CSMD1: variants seen among roughly 807,000 people sequenced by gnomAD.
The protein encoded by CSMD1 is CUB and sushi domain-containing protein 1.
A neutral mutation model predicts 417.5 loss-of-function variants in CSMD1; 213 were observed. That is an observed-to-expected ratio of 0.51 (90% confidence interval 0.46 to 0.57). The LOEUF is 0.57. Among genes scored for constraint, CSMD1 ranks in the 20% least tolerant of loss-of-function variants. The probability of loss-of-function intolerance (pLI) is 0.00; values close to 1 mark genes in which losing one functional copy is unlikely to be tolerated. For missense variants in CSMD1, 6,923 were observed against 4,529.7 expected (o/e 1.53, Z -15.17); for synonymous variants, 2,862 against 1,736.8 (o/e 1.65, Z -16.11).
At chr8:4,115,365 C>T (rs1177620470) in intron 3 of CSMD1, among the ~76,000 whole-genome samples, 3 of 152,198 alleles carry the variant, frequency 2.0e-5, no homozygotes, top group Non-Finnish European at 4.4e-5. Flanking sequence ...AAAGGTTACA[C>T]TACTGTGTAC....
At chr8:3,523,250 C>T (rs572055052) in intron 10 of CSMD1, among the ~76,000 whole-genome samples, 58 of 152,236 alleles carry the variant, frequency 3.8e-4, no homozygotes, top group African/African-American at 1.3e-3. Flanking sequence ...AAAGCATCTA[C>T]CATATAGGAT....
intron 1 of CSMD1, among the ~76,000 whole-genome samples, chr8:4,647,632 T>C (rs1306692700): frequency 6.6e-6 from 1 of 152,186 alleles, no homozygotes; most frequent in Non-Finnish European, 1.5e-5. Context: ...GTTCTCATTG[T>C]TCAGCTCCCA....
chr8:4,464,287 T>C (rs1248486842), intron 2 of CSMD1, among the ~76,000 whole-genome samples: 1 of 152,042 alleles, frequency 6.6e-6, no homozygotes, highest in Non-Finnish European at 1.5e-5. Flanking sequence ...GGCATTATTA[T>C]GTATGCATGC....
intron 8 of CSMD1, among the ~76,000 whole-genome samples, chr8:3,608,588 C>A (rs1439486341): frequency 1.3e-5 from 2 of 151,952 alleles, no homozygotes; most frequent in East Asian, 3.9e-4. Flanking sequence ...ATAGTGAAAC[C>A]CCGTCTCTAT....
At chr8:4,284,119 G>C (rs1796933216) in intron 3 of CSMD1, among the ~76,000 whole-genome samples, 1 of 152,166 alleles carries the variant, frequency 6.6e-6, no homozygotes, top group Admixed American at 6.5e-5. Context: ...TGTAATCCTA[G>C]CATTTTGGGA....
At chr8:4,578,495 C>G (rs1363998513) in intron 2 of CSMD1, among the ~76,000 whole-genome samples, 2 of 151,742 alleles carry the variant, frequency 1.3e-5, no homozygotes, top group East Asian at 1.9e-4. Context: ...CACAAATATT[C>G]AGAGTATTAA....
chr8:3,882,451 C>T (rs763705277), intron 5 of CSMD1, among the ~76,000 whole-genome samples: 25 of 152,162 alleles, frequency 1.6e-4, no homozygotes, highest in African/African-American at 3.4e-4. Context: ...TCCTACACTA[C>T]GGTGGTATTA....
Position 3,773,932 on chromosome 8 carries a change from A to G in CSMD1, c.819-19890T>C, listed in dbSNP as rs114279374. Among the ~76,000 whole-genome samples the G allele has an allele frequency of 7.6e-3, 1,163 of 152,288 alleles. 20 individuals are homozygous for G. The highest frequency in any genetic ancestry group is 0.027 in the African/African-American group (1,110 of 41,564). Reference sequence around the variant, plus strand: ...GGACCTGTGAGGTTGAGTAATTTGCATGACATTGCACAGCTAACAGGAGCC... The same window carrying G: ...GGACCTGTGAGGTTGAGTAATTTGCGTGACATTGCACAGCTAACAGGAGCC... On this transcript the variant is annotated intron_variant, in intron 5 of 69. Coordinates refer to ENST00000635120, the MANE Select transcript of CSMD1 (RefSeq NM_033225.6).
At chr8:3,897,401 A>G (rs1759788112) in intron 5 of CSMD1, among the ~76,000 whole-genome samples, 1 of 152,204 alleles carries the variant, frequency 6.6e-6, no homozygotes, top group Non-Finnish European at 1.5e-5. Context: ...TTATAAAACA[A>G]AATGTTTCTC....
chr8:4,565,710 G>C (rs1798564554), intron 2 of CSMD1, among the ~76,000 whole-genome samples: 1 of 147,228 alleles, frequency 6.8e-6, no homozygotes, highest in East Asian at 2.0e-4. Context: ...ACTCCAGCCT[G>C]GGTGACAGCG....
chr8:3,323,502 TAGA>T (rs1190911560), intron 23 of CSMD1, among the ~76,000 whole-genome samples: 2 of 152,164 alleles, frequency 1.3e-5, no homozygotes, highest in African/African-American at 2.4e-5. Flanking sequence ...ACACCATTTT[TAGA>T]AGGAGTTAAA....
chr8:3,968,860 ACAT>A (rs988229068), intron 5 of CSMD1, among the ~76,000 whole-genome samples: 4 of 152,336 alleles, frequency 2.6e-5, no homozygotes, highest in African/African-American at 9.6e-5. Flanking sequence ...ATTCGATCAC[ACAT>A]CATCTTTTCT....
intron 7 of CSMD1, among the ~76,000 whole-genome samples, chr8:3,623,052 G>C (rs969846486): frequency 6.6e-6 from 1 of 152,044 alleles, no homozygotes; most frequent in African/African-American, 2.4e-5. Flanking sequence ...AATCAAAACT[G>C]AAAATATCAA....
intron 41 of CSMD1, among the ~76,000 whole-genome samples, chr8:3,138,756 C>G (rs1041119746): frequency 1.3e-5 from 2 of 152,068 alleles, no homozygotes; most frequent in East Asian, 1.9e-4. Flanking sequence ...AAGTGAGAAT[C>G]GAGACAGAGA....
At chr8:3,033,093 T>A (rs987757523) in intron 50 of CSMD1, among the ~76,000 whole-genome samples, 1 of 148,880 alleles carries the variant, frequency 6.7e-6, no homozygotes, top group African/African-American at 2.4e-5. Context: ...AATTCTAGGC[T>A]ACAGTTTCTA....
At chr8:3,315,945 C>G (rs1805723762) in intron 23 of CSMD1, among the ~76,000 whole-genome samples, 1 of 152,272 alleles carries the variant, frequency 6.6e-6, no homozygotes. Context: ...TTGTGCAGAG[C>G]TTCCAGCAGG....
At chr8:4,607,721 A>C (rs1367266931) in intron 2 of CSMD1, among the ~76,000 whole-genome samples, 1 of 152,182 alleles carries the variant, frequency 6.6e-6, no homozygotes, top group East Asian at 1.9e-4. Context: ...CCCTTGGTTA[A>C]AGAAAACAGT....
In CSMD1 at chr8:3,408,092, A is replaced by T; in HGVS notation, c.1878T>A (p.Phe626Leu). The T allele has an allele frequency of 1.2e-6, 2 of 1,613,946 alleles. No individual in the cohort carries two copies. The highest frequency in any genetic ancestry group is 1.7e-6 in the Non-Finnish European group (2 of 1,179,868). ...ACTGAGGCTCAACATCAAAATCATT[A>T]AAGATTAGGTGAATTCGACTTCCTG... ...SEPGSRIHLI[F>L]NDFDVEPQFD... The change falls in exon 14 of 70, where the codon TTT (phenylalanine) becomes TTA (leucine). Residue 626 changes from phenylalanine (F) to leucine (L), a missense_variant. Phe to Leu is a conservative substitution (Grantham distance 22). Transcript: ENST00000635120.
chr8:4,730,621 G>C (rs1416941935), intron 1 of CSMD1, among the ~76,000 whole-genome samples: 7 of 151,926 alleles, frequency 4.6e-5, no homozygotes, highest in Non-Finnish European at 8.8e-5. Flanking sequence ...GGCGCCTGTA[G>C]TCCCAGCTAC....
Sources: allele counts gnomAD v4.1 joint callset (sites outside exome capture counted in the v4.1 genomes callset), GRCh38; gene constraint gnomAD v4.1.1; transcripts MANE v1.5; gene names NCBI Gene and HGNC (gene_info 2026-07-23, HGNC 2026-07-21).